The following MECOM variants were observed in gnomAD, a reference collection of about 807,000 sequenced individuals.
The protein encoded by MECOM is MDS1 and EVI1 complex locus, also known as histone-lysine N-methyltransferase MECOM.
MECOM carries 13 observed loss-of-function variants against 116.3 expected under a neutral mutation model. The ratio of observed to expected loss-of-function variants is 0.11; its 90% CI spans 0.07 to 0.18. The LOEUF (loss-of-function observed/expected upper bound fraction) is 0.18, where lower values mean the gene tolerates loss of function less well. MECOM is among the 10% of genes least tolerant of loss of function. The pLI, the probability that MECOM is intolerant of heterozygous loss-of-function variation, is 1.00. For synonymous variants in MECOM, 528 were observed against 535.2 expected (o/e 0.99, Z 0.19); for missense variants, 1,299 against 1,509.0 (o/e 0.86, Z 2.31).
At chr3:169,490,880 C>T (rs1215726671) in intron 1 of MECOM, among the ~76,000 whole-genome samples, 1 of 151,950 alleles carries the variant, frequency 6.6e-6, no homozygotes, top group Non-Finnish European at 1.5e-5. Flanking sequence ...TGAAGCATTT[C>T]ATAATATAAA....
At chr3:169,399,976 A>G (rs17738531) in intron 1 of MECOM, among the ~76,000 whole-genome samples, 8,469 of 152,300 alleles carry the variant, frequency 0.056, 248 homozygotes, top group Non-Finnish European at 0.066. Context: ...AATGTCTCCA[A>G]GTTTAGACTG....
intron 1 of MECOM, among the ~76,000 whole-genome samples, chr3:169,639,218 T>C (rs934397387): frequency 6.6e-6 from 1 of 151,944 alleles, no homozygotes; most frequent in Non-Finnish European, 1.5e-5. Context: ...ATGGCATTAT[T>C]CCAAGCTCCA....
chr3:169,613,750 A>G (rs1057413264), intron 1 of MECOM: 9 of 152,234 alleles, frequency 5.9e-5, no homozygotes, highest in African/African-American at 1.9e-4. Flanking sequence ...ATCTTTCTGC[A>G]GAAACCAAGG....
rs1247994146 is a variant in MECOM at position 169,626,816 on chromosome 3, T to C, written c.37+36520A>G. On this transcript the variant is annotated intron_variant, in intron 1 of 16. Coordinates refer to ENST00000651503, the MANE Select transcript of MECOM (RefSeq NM_004991.4). ...AATTCCATGTGAATTTTAAGGTTTC[T>C]TTTCTCTTTTTTTTTTTCTCTTTCA... 5.3e-5 allele frequency among the ~76,000 whole-genome samples: 8 copies of C among 151,332 alleles called. No individual in the cohort carries two copies. In the East Asian group the frequency reaches 1.7e-3, roughly 32 times the overall value.
Position 169,422,012 on chromosome 3 carries a change from A to G in MECOM, c.38-40488T>C, listed in dbSNP as rs80301639. ...AGAGAAACACGATTTATGCTTCACT[A>G]TATAATCATCTATATTTCATAAACA... On this transcript the variant is annotated intron_variant, in intron 1 of 16. Coordinates refer to ENST00000651503, the MANE Select transcript of MECOM (RefSeq NM_004991.4). Among the ~76,000 whole-genome samples, 621 of 152,242 alleles carry G rather than the reference A, an allele frequency of 4.1e-3. 15 individuals are homozygous for G. The highest frequency in any genetic ancestry group is 0.032 in the Admixed American group (494 of 15,258).
intron 1 of MECOM, among the ~76,000 whole-genome samples, chr3:169,628,323 G>A (rs182606395): frequency 5.3e-5 from 8 of 152,258 alleles, no homozygotes; most frequent in Admixed American, 1.3e-4. Flanking sequence ...CACAGGAGAG[G>A]CCTATAAAAG....
chr3:169,652,078 G>T (rs1774989430), intron 1 of MECOM, among the ~76,000 whole-genome samples: 3 of 152,004 alleles, frequency 2.0e-5, no homozygotes, highest in Non-Finnish European at 4.4e-5. Flanking sequence ...ACATGCTAAG[G>T]TGAATCAAGT....
intron 11 of MECOM, among the ~76,000 whole-genome samples, 177 bp downstream of exon 11, chr3:169,101,883 T>C (rs1250822585): frequency 1.3e-5 from 2 of 152,224 alleles, no homozygotes; most frequent in Non-Finnish European, 2.9e-5. Flanking sequence ...ATTTAATAAT[T>C]TTTTAAAAAC....
At chr3:169,250,525 G>C (rs982034200) in intron 2 of MECOM, among the ~76,000 whole-genome samples, 3 of 152,112 alleles carry the variant, frequency 2.0e-5, no homozygotes, top group Non-Finnish European at 2.9e-5. Context: ...GTTAATATTA[G>C]AGAAAATTAT....
chr3:169,210,014 T>C (rs1223924302), intron 2 of MECOM, among the ~76,000 whole-genome samples: 5 of 152,290 alleles, frequency 3.3e-5, no homozygotes, highest in African/African-American at 1.2e-4. Flanking sequence ...CATGGAATGC[T>C]ATGCAGCCAT....
intron 1 of MECOM, among the ~76,000 whole-genome samples, chr3:169,455,148 T>C (rs1250869442): frequency 2.0e-5 from 3 of 152,192 alleles, no homozygotes; most frequent in Admixed American, 6.6e-5. Context: ...AGTGTCATTA[T>C]AAGGTTAGCT....
At chr3:169,282,958 C>A (rs904956206) in intron 2 of MECOM, among the ~76,000 whole-genome samples, 1 of 151,676 alleles carries the variant, frequency 6.6e-6, no homozygotes. Flanking sequence ...CCCTTTTTTA[C>A]GGTAATTTCT....
chr3:169,294,485 G>C (rs1389326295), intron 2 of MECOM, among the ~76,000 whole-genome samples: 1 of 152,130 alleles, frequency 6.6e-6, no homozygotes, highest in Non-Finnish European at 1.5e-5. Flanking sequence ...AGACTCAAGA[G>C]GGGCAGAAGC....
intron 2 of MECOM, among the ~76,000 whole-genome samples, chr3:169,257,062 T>C (rs1756957369): frequency 6.6e-6 from 1 of 152,190 alleles, no homozygotes; most frequent in African/African-American, 2.4e-5. Flanking sequence ...GGTCCAAAAA[T>C]GAGAATCCTG....
At chr3:169,441,728 CT>C (rs774825326) in intron 1 of MECOM, among the ~76,000 whole-genome samples, 4,004 of 123,298 alleles carry the variant, frequency 0.032, 244 homozygotes, top group East Asian at 0.066. Context: ...TTCTTCTCTT[CT>C]TTTTTTTTTT....
chr3:169,643,317 T>C (rs1042414771), intron 1 of MECOM, among the ~76,000 whole-genome samples: 7 of 152,196 alleles, frequency 4.6e-5, no homozygotes. Context: ...TAACTATTAA[T>C]GGAAATATGT....
At chr3:169,129,819 A>G (rs575294987) in intron 4 of MECOM, among the ~76,000 whole-genome samples, 2 of 152,268 alleles carry the variant, frequency 1.3e-5, no homozygotes, top group African/African-American at 4.8e-5. Context: ...TGGACAATTT[A>G]CTTAGCCTTA....
intron 2 of MECOM, among the ~76,000 whole-genome samples, chr3:169,326,937 G>A (rs1004142153): frequency 6.6e-6 from 1 of 152,182 alleles, no homozygotes; most frequent in African/African-American, 2.4e-5. Context: ...AAAATTAGAT[G>A]AGCTTCTGGA....
At chr3:169,608,049 T>C (rs1327338644) in intron 1 of MECOM, among the ~76,000 whole-genome samples, 1 of 152,220 alleles carries the variant, frequency 6.6e-6, no homozygotes, top group Non-Finnish European at 1.5e-5. Flanking sequence ...TGCTACCACT[T>C]GCACCCTATG....
Sources: allele counts gnomAD v4.1 joint callset (sites outside exome capture counted in the v4.1 genomes callset), GRCh38; gene constraint gnomAD v4.1.1; transcripts MANE v1.5; gene names NCBI Gene and HGNC (gene_info 2026-07-23, HGNC 2026-07-21).